UBE2K: variants seen among roughly 807,000 people sequenced by gnomAD.
UBE2K encodes the protein ubiquitin-conjugating enzyme E2 K.
In UBE2K, 6 loss-of-function variants were observed where a neutral mutation model predicts 30.0. The observed-to-expected ratio is 0.20, with a 90% confidence interval of 0.11 to 0.39. The LOEUF (loss-of-function observed/expected upper bound fraction) is 0.39, where lower values mean the gene tolerates loss of function less well. Ranked by LOEUF, UBE2K falls within the 10% of genes least tolerant of loss-of-function variation. The probability of loss-of-function intolerance (pLI) is 1.00; values close to 1 mark genes in which losing one functional copy is unlikely to be tolerated. For missense variants in UBE2K, 61 were observed against 241.6 expected, an observed-to-expected ratio of 0.25 and a Z score of 4.96; for synonymous variants, 86 against 83.7, an observed-to-expected ratio of 1.03 and a Z score of -0.15.
chr4:39,740,658 C>A (rs1474350203), intron 2 of UBE2K, among the ~76,000 whole-genome samples: 2 of 150,500 alleles, frequency 1.3e-5, no homozygotes, highest in South Asian at 4.2e-4. Context: ...GTCAGGAGAT[C>A]GAGACCGTCC....
Position 39,698,284 on chromosome 4 carries a change from G to A in UBE2K, c.-44G>A. 1 of 1,590,072 alleles carries A rather than the reference G, an allele frequency of 6.3e-7. No homozygotes were observed. Among genetic ancestry groups the A allele is most frequent in the African/African-American group, 1.3e-5 (1 of 74,694 alleles). On this transcript the variant is annotated 5_prime_UTR_variant, in exon 1 of 7. Transcript: ENST00000261427. ...GGTGGCGGCGGTGGCGGTGGTCGTA[G>A]CGGTGGCGGAGGAGGCGGGTACGAA...
chr4:39,772,402 A>C (rs1712949801), intron 4 of UBE2K, among the ~76,000 whole-genome samples: 1 of 120,990 alleles, frequency 8.3e-6, no homozygotes, highest in Admixed American at 8.7e-5. Flanking sequence ...TCTACCAAAA[A>C]AAAAAAAAAA....
intron 1 of UBE2K, 88 bp downstream of exon 1, chr4:39,698,478 TG>T: frequency 7.8e-7 from 1 of 1,279,422 alleles, no homozygotes; most frequent in Non-Finnish European, 1.1e-6. Flanking sequence ...CGGTAGTCCC[TG>T]GGTGGTCCTC....
intron 5 of UBE2K, 130 bp from the exon 6 acceptor site, chr4:39,777,552 G>A: frequency 1.1e-6 from 1 of 886,930 alleles, no homozygotes; most frequent in Non-Finnish European, 1.6e-6. Context: ...TGTCTATAAT[G>A]CAAAGTGAAT....
At chr4:39,744,676 G>A (rs1420777235) in intron 2 of UBE2K, among the ~76,000 whole-genome samples, 1 of 150,778 alleles carries the variant, frequency 6.6e-6, no homozygotes, top group Non-Finnish European at 1.5e-5. Flanking sequence ...GGAGGTTGAG[G>A]CAGGTGGATC....
chr4:39,767,416 C>T (rs1268305176), intron 4 of UBE2K, among the ~76,000 whole-genome samples: 1 of 151,830 alleles, frequency 6.6e-6, no homozygotes. Context: ...CTCTGCCTCC[C>T]GGATTCACGC....
intron 1 of UBE2K, among the ~76,000 whole-genome samples, chr4:39,735,626 C>T (rs1720336185): frequency 6.6e-6 from 1 of 152,180 alleles, no homozygotes; most frequent in South Asian, 2.1e-4. Context: ...CGTGATCTGC[C>T]CGCCTCAGCC....
chr4:39,722,142 T>C (rs959642762), intron 1 of UBE2K, among the ~76,000 whole-genome samples: 3 of 152,204 alleles, frequency 2.0e-5, no homozygotes, highest in Non-Finnish European at 2.9e-5. Context: ...AAAAGTCTTA[T>C]CTACGTAACG....
At chr4:39,758,401 C>A (rs376399783) in intron 4 of UBE2K, among the ~76,000 whole-genome samples, 1 of 152,132 alleles carries the variant, frequency 6.6e-6, no homozygotes, top group African/African-American at 2.4e-5. Flanking sequence ...CTTGCCGCCA[C>A]GTGCAGTGGC....
intron 2 of UBE2K, among the ~76,000 whole-genome samples, chr4:39,742,083 T>G (rs1720731511): frequency 6.6e-6 from 1 of 152,058 alleles, no homozygotes; most frequent in African/African-American, 2.4e-5. Context: ...ATTTATATAA[T>G]ATCTGTGGGC....
In UBE2K at chr4:39,754,014, G is replaced by A. The variant is rs191088828; in HGVS notation, c.217-1643G>A. ...TCCAGACTCCAGCCTGAGCGACAGC[G>A]CGAGACTCCTTCTCAAAAAAAAAGA... is the stretch of plus-strand genomic sequence containing the variant. On this transcript the variant is annotated intron_variant, in intron 3 of 6. Transcript: ENST00000261427. 3.1e-3 allele frequency among the ~76,000 whole-genome samples: 471 copies of A among 152,266 alleles called. 1 individual carries two copies. The highest frequency in any genetic ancestry group is 0.01 in the Middle Eastern group (3 of 294).
chr4:39,745,053 G>T (rs1341170389), intron 2 of UBE2K, among the ~76,000 whole-genome samples: 1 of 151,802 alleles, frequency 6.6e-6, no homozygotes, highest in Non-Finnish European at 1.5e-5. Context: ...TAGAGACAAG[G>T]ACTTGCTATA....
rs150542391 is a variant in UBE2K, at chr4:39,699,532, G to A, written c.63+1142G>A. Among the ~76,000 whole-genome samples, 13 of 152,270 alleles carry A rather than the reference G, an allele frequency of 8.5e-5. No individual in the cohort carries two copies. The East Asian group carries it at 2.3e-3, about 27-fold the overall frequency. ...TTGACTCAAAATTATGCAAGTATTA[G>A]TACAGTTTCTCATACCAAGATCAAC... is the stretch of plus-strand genomic sequence containing the variant. On this transcript the variant is annotated intron_variant, in intron 1 of 6. Coordinates refer to ENST00000261427, the MANE Select transcript of UBE2K (RefSeq NM_005339.5).
chr4:39,702,231 C>CTTT (rs564712672), intron 1 of UBE2K, among the ~76,000 whole-genome samples: 14 of 67,352 alleles, frequency 2.1e-4, no homozygotes, highest in Non-Finnish European at 3.0e-4. Context: ...CTTTTCTTTT[C>CTTT]TTTTTTTTTT....
chr4:39,707,507 C>G (rs1718433567), intron 1 of UBE2K, among the ~76,000 whole-genome samples: 1 of 148,972 alleles, frequency 6.7e-6, no homozygotes, highest in Admixed American at 6.7e-5. Flanking sequence ...GCCTGTATGA[C>G]TGTATGAGGG....
In UBE2K at chr4:39,767,299, G is replaced by GTTTTT. The variant is rs71194918; in HGVS notation, c.300-7528_300-7524dup. ...GAGATTATCAGTTTTCTTTTTTTCT[G>GTTTTT]TTTTTTTTTTTGTGTGTGTGTTTTG... On this transcript the variant is annotated intron_variant, in intron 4 of 6. Transcript: ENST00000261427. Among the ~76,000 whole-genome samples, 435 of 139,788 alleles carry GTTTTT rather than the reference G, an allele frequency of 3.1e-3. 5 individuals carry two copies. Among genetic ancestry groups the GTTTTT allele is most frequent in the African/African-American group, 0.01 (381 of 36,984 alleles). 91.7% of individuals were successfully genotyped at this position (139,788 alleles called of 152,430 possible).
At chr4:39,714,698 C>A (rs1275932622) in intron 1 of UBE2K, among the ~76,000 whole-genome samples, 1 of 150,320 alleles carries the variant, frequency 6.7e-6, no homozygotes, top group African/African-American at 2.5e-5. Context: ...AGGCATGTGC[C>A]ACTACCCCCA....
At chr4:39,709,245 T>G (rs1048293845) in intron 1 of UBE2K, among the ~76,000 whole-genome samples, 1 of 152,096 alleles carries the variant, frequency 6.6e-6, no homozygotes, top group Non-Finnish European at 1.5e-5. Flanking sequence ...TCTGTCGTGC[T>G]TATTATTCTT....
intron 4 of UBE2K, among the ~76,000 whole-genome samples, chr4:39,764,123 G>A (rs920529897): frequency 6.6e-6 from 1 of 152,232 alleles, no homozygotes; most frequent in Non-Finnish European, 1.5e-5. Context: ...GGGAGGCCAA[G>A]GCAGGAGGAT....
Sources: allele counts gnomAD v4.1 joint callset (sites outside exome capture counted in the v4.1 genomes callset), GRCh38; gene constraint gnomAD v4.1.1; transcripts MANE v1.5; gene names NCBI Gene and HGNC (gene_info 2026-07-23, HGNC 2026-07-21).